DNAJC21: variants seen among roughly 807,000 people sequenced by gnomAD.
DNAJC21 encodes DnaJ heat shock protein family (Hsp40) member C21.
In DNAJC21, 63 loss-of-function variants were observed where a neutral mutation model predicts 72.4. The ratio of observed to expected loss-of-function variants is 0.87; its 90% CI spans 0.71 to 1.07. DNAJC21 has a LOEUF of 1.07. Among genes scored for constraint, DNAJC21 ranks in the 50% least tolerant of loss-of-function variants. DNAJC21 has a pLI of 0.00. For synonymous variants in DNAJC21, 203 were observed against 216.7 expected, an observed-to-expected ratio of 0.94 and a Z score of 0.56; for missense variants, 634 against 644.8, an observed-to-expected ratio of 0.98 and a Z score of 0.18.
rs867961208 is a variant in DNAJC21, at chr5:34,955,061, A to G, written c.*347A>G. ...TGCAACTTTCTGCTTTATTTTCTGA[A>G]TTTCACATTACTTTTACTTAATGCT... On this transcript the variant is annotated 3_prime_UTR_variant, in exon 12 of 12. Coordinates refer to ENST00000648817, the MANE Select transcript of DNAJC21 (RefSeq NM_001012339.3). 30 of 162,004 alleles carry G rather than the reference A, an allele frequency of 1.9e-4. No homozygotes were observed. Among genetic ancestry groups the G allele is most frequent in the Middle Eastern group, 2.9e-3 (1 of 340 alleles). 10.0% of individuals were successfully genotyped at this position (162,004 alleles called of 1,614,324 possible).
rs1385872547 is a variant in DNAJC21 at position 34,944,864 on chromosome 5, C to T, written c.984-3C>T. ...AGCTGCTCACGTCAGATTGCTCTTT[C>T]AGCATGAAGAATCACGAGAAGTCAA... On this transcript the variant is annotated splice_polypyrimidine_tract_variant and splice_region_variant and intron_variant, in intron 7 of 11. Transcript: ENST00000648817. The T allele has an allele frequency of 2.5e-6, 4 of 1,614,126 alleles. No individual in the cohort carries two copies. Among genetic ancestry groups the T allele is most frequent in the Admixed American group, 1.7e-5 (1 of 60,022 alleles).
intron 8 of DNAJC21, 132 bp downstream of exon 8, chr5:34,945,157 A>G: frequency 9.3e-7 from 1 of 1,073,662 alleles, no homozygotes; most frequent in South Asian, 1.6e-5. Context: ...AGCTCACTGC[A>G]ACCTCCAACT....
chr5:34,949,835 GAATTA>G (rs1340300375), intron 9 of DNAJC21, among the ~76,000 whole-genome samples: 2 of 152,116 alleles, frequency 1.3e-5, no homozygotes, highest in Non-Finnish European at 2.9e-5. Context: ...ACTTAATAAA[GAATTA>G]AATTGTGATT....
At chr5:34,938,624 G>T (rs1424632417) in intron 5 of DNAJC21, among the ~76,000 whole-genome samples, 1 of 152,176 alleles carries the variant, frequency 6.6e-6, no homozygotes. Context: ...AAGTTGCTGA[G>T]TTTCATGTTT....
At chr5:34,932,092 TAGAAG>T (rs1224832312) in intron 1 of DNAJC21, among the ~76,000 whole-genome samples, 2 of 152,172 alleles carry the variant, frequency 1.3e-5, no homozygotes, top group Non-Finnish European at 2.9e-5. Context: ...TGTAACTTCT[TAGAAG>T]GGAAGTATTG....
In DNAJC21 at chr5:34,958,812, T is replaced by C. The variant is rs369059502; in HGVS notation, c.*4098T>C. The C allele has an allele frequency of 3.9e-5, 6 of 152,336 alleles. 1 individual carries two copies. The highest frequency in any genetic ancestry group is 1.4e-4 in the African/African-American group (6 of 41,578). The allele number at this position is 152,336 out of a possible 1,614,324, so 9.4% of individuals were successfully genotyped here. A position where few individuals can be genotyped will look rare whatever the true frequency, so the allele number is the denominator to read the frequency against. Reference sequence around the variant, plus strand: ...AGAGTTTTCATGTATGTGGGTTAAATCTATTGATATTTTCTGTTAGAATTT... The same window carrying C: ...AGAGTTTTCATGTATGTGGGTTAAACCTATTGATATTTTCTGTTAGAATTT... On this transcript the variant is annotated 3_prime_UTR_variant, in exon 12 of 12. Transcript: ENST00000648817.
intron 4 of DNAJC21, 30 bp from the exon 5 acceptor site, chr5:34,937,296 C>T: frequency 6.4e-7 from 1 of 1,563,116 alleles, no homozygotes; most frequent in South Asian, 1.2e-5. Flanking sequence ...TCTTAAAGCG[C>T]AGAAGTTAAT....
intron 6 of DNAJC21, among the ~76,000 whole-genome samples, chr5:34,939,653 C>T (rs537195238): frequency 3.3e-5 from 5 of 152,038 alleles, no homozygotes; most frequent in Non-Finnish European, 7.4e-5. Context: ...GCATGAGAAT[C>T]TATGTGTTGT....
intron 7 of DNAJC21, among the ~76,000 whole-genome samples, chr5:34,944,268 C>G (rs1244562429): frequency 2.0e-5 from 3 of 152,102 alleles, no homozygotes; most frequent in Non-Finnish European, 4.4e-5. Flanking sequence ...GGAGACCTCT[C>G]CTGAGAAGGT....
chr5:34,955,337 T>G lies in DNAJC21; in HGVS notation c.*623T>G, dbSNP rs546096428. 1 of 151,422 alleles carries G rather than the reference T, an allele frequency of 6.6e-6. No homozygotes were observed. The highest frequency in any genetic ancestry group is 6.5e-5 in the Admixed American group (1 of 15,276). The allele number at this position is 151,422 out of a possible 1,614,324, so 9.4% of individuals were successfully genotyped here. A position where few individuals can be genotyped will look rare whatever the true frequency, so the allele number is the denominator to read the frequency against. ...ATTTGATATTTTACTGGTTTACCAG[T>G]AAGGTGTATTGTTCAGTTTTTTGCT... On this transcript the variant is annotated 3_prime_UTR_variant, in exon 12 of 12. Coordinates refer to ENST00000648817, the MANE Select transcript of DNAJC21 (RefSeq NM_001012339.3).
intron 9 of DNAJC21, 130 bp downstream of exon 9, chr5:34,945,933 TA>T: frequency 1.6e-6 from 1 of 636,000 alleles, no homozygotes; most frequent in Non-Finnish European, 2.5e-6. Context: ...TAAGATTGAT[TA>T]AAAAGGAATT....
At position 34,954,738 on chromosome 5, in the gene DNAJC21, G is replaced by A; in HGVS notation, c.*24G>A. The A allele has an allele frequency of 6.5e-7, 1 of 1,545,564 alleles. No individual in the cohort carries two copies. Among genetic ancestry groups the A allele is most frequent in the Non-Finnish European group, 8.7e-7 (1 of 1,145,506 alleles). On this transcript the variant is annotated 3_prime_UTR_variant, in exon 12 of 12. Coordinates refer to ENST00000648817, the MANE Select transcript of DNAJC21 (RefSeq NM_001012339.3). ...AGAGATTCTGCCTGTGCTTTTGTTTGACTGTCTCTAGATTTTGAAACCAAA... is the reference window on the plus strand; with the variant it reads ...AGAGATTCTGCCTGTGCTTTTGTTTAACTGTCTCTAGATTTTGAAACCAAA...
At chr5:34,934,664 T>C (rs1423500426) in intron 2 of DNAJC21, among the ~76,000 whole-genome samples, 1 of 152,208 alleles carries the variant, frequency 6.6e-6, no homozygotes, top group East Asian at 1.9e-4. Context: ...AGATGAAAAT[T>C]ACTATGTTGA....
Position 34,954,680 on chromosome 5 carries a change from G to C in DNAJC21, c.1562G>C (p.Ser521Thr). 1 of 1,610,798 alleles carries C rather than the reference G, an allele frequency of 6.2e-7. No individual in the cohort carries two copies. The highest frequency in any genetic ancestry group is 8.5e-7 in the Non-Finnish European group (1 of 1,178,772). The change falls in exon 12 of 12, where the codon AGT becomes ACT. Residue 521 changes from serine to threonine, a missense_variant. Ser to Thr is a moderately conservative substitution (Grantham distance 58). Coordinates refer to ENST00000648817, the MANE Select transcript of DNAJC21 (RefSeq NM_001012339.3). ...TCGTCTTTAAACAGCGCAACAAGTA[G>C]TCAAAGCAAGAAAGAGAAACGTAAA... ...SSSSLNSATS[S>T]QSKKEKRKNR
intron 4 of DNAJC21, among the ~76,000 whole-genome samples, chr5:34,937,053 C>G (rs766417526): frequency 1.3e-5 from 2 of 152,172 alleles, no homozygotes; most frequent in African/African-American, 2.4e-5. Context: ...GCCTACTTTT[C>G]CCTTTTAATT....
intron 1 of DNAJC21, among the ~76,000 whole-genome samples, chr5:34,932,806 C>T (rs1764645991): frequency 6.6e-6 from 1 of 152,260 alleles, no homozygotes; most frequent in South Asian, 2.1e-4. Context: ...CATGCTATGG[C>T]AGCTGGCCAC....
At chr5:34,939,155 T>C in intron 6 of DNAJC21, 146 bp downstream of exon 6, 2 of 724,836 alleles carry the variant, frequency 2.8e-6, no homozygotes, top group South Asian at 2.1e-5. Flanking sequence ...GCTGAGCTAG[T>C]CTAATTCAAG....
chr5:34,945,697 T>C, intron 8 of DNAJC21, 64 bp from the exon 9 acceptor site: 1 of 1,451,838 alleles, frequency 6.9e-7, no homozygotes, highest in Non-Finnish European at 9.2e-7. Context: ...TTCAACTTTT[T>C]TTTTTTTCCA....
intron 1 of DNAJC21, among the ~76,000 whole-genome samples, chr5:34,932,132 G>C (rs896382547): frequency 2.0e-5 from 3 of 152,112 alleles, no homozygotes; most frequent in Non-Finnish European, 4.4e-5. Flanking sequence ...GAACTTTAGT[G>C]TGCTCCGGCC....
Sources: gnomAD v4.1 joint callset for allele counts (sites outside exome capture counted in the v4.1 genomes callset) on GRCh38, gnomAD v4.1.1 for gene constraint, MANE v1.5 for transcripts, NCBI Gene and HGNC (gene_info 2026-07-23, HGNC 2026-07-21) for gene names.